FLRT2: variants seen among roughly 807,000 people sequenced by gnomAD.
FLRT2 encodes leucine-rich repeat transmembrane protein FLRT2.
Under a neutral mutation model 40.0 loss-of-function variants are expected in FLRT2, and 15 were observed. The observed-to-expected ratio is 0.38, with a 90% CI of 0.25 to 0.58. The LOEUF is 0.58. Ranked by LOEUF, FLRT2 falls within the 20% of genes least tolerant of loss-of-function variation. FLRT2 has a pLI of 0.71. For synonymous variants in FLRT2, 380 were observed against 336.8 expected, an observed-to-expected ratio of 1.13 and a Z score of -1.41; for missense variants, 726 against 840.0, an observed-to-expected ratio of 0.86 and a Z score of 1.68.
At position 85,646,653 on chromosome 14, in the gene FLRT2, A is replaced by G. The variant is rs1440159824; in HGVS notation, c.*23156A>G. 2 of 151,892 alleles carry G rather than the reference A, an allele frequency of 1.3e-5. No individual in the cohort carries two copies. Among genetic ancestry groups the G allele is most frequent in the Non-Finnish European group, 2.9e-5 (2 of 68,034 alleles). 9.4% of individuals were successfully genotyped at this position (151,892 alleles called of 1,614,324 possible). A position where few individuals can be genotyped will look rare whatever the true frequency, so the allele number is the denominator to read the frequency against. On this transcript the variant is annotated 3_prime_UTR_variant, in exon 2 of 2. Transcript: ENST00000330753. ...ATTTTTTGAGATGGAGTCTTGCTCT[A>G]CCACCCAGGCTGGAGTGCAGTGGCA...
chr14:85,550,824 C>T (rs187525169), intron 1 of FLRT2, among the ~76,000 whole-genome samples: 17 of 152,202 alleles, frequency 1.1e-4, no homozygotes, highest in Admixed American at 3.3e-4. Context: ...GTCTAACACA[C>T]GTTGAAAATC....
intron 1 of FLRT2, among the ~76,000 whole-genome samples, chr14:85,605,686 C>G (rs1282339252): frequency 6.6e-6 from 1 of 152,136 alleles, no homozygotes; most frequent in Non-Finnish European, 1.5e-5. Context: ...AGGAGAATGG[C>G]ATGAACTGGA....
intron 1 of FLRT2, among the ~76,000 whole-genome samples, chr14:85,567,940 A>T (rs1480161042): frequency 6.6e-6 from 1 of 151,786 alleles, no homozygotes; most frequent in Non-Finnish European, 1.5e-5. Flanking sequence ...GCAAGGCCTG[A>T]TTTTTATTTT....
At chr14:85,554,271 C>T (rs1380938279) in intron 1 of FLRT2, among the ~76,000 whole-genome samples, 1 of 152,134 alleles carries the variant, frequency 6.6e-6, no homozygotes, top group African/African-American at 2.4e-5. Context: ...AGGTATTTAA[C>T]AAAGTCATGT....
intron 1 of FLRT2, among the ~76,000 whole-genome samples, chr14:85,540,745 A>G (rs1346901669): frequency 6.6e-6 from 1 of 152,012 alleles, no homozygotes; most frequent in African/African-American, 2.4e-5. Context: ...GTTGATTAGT[A>G]CTTTAGCAGT....
intron 1 of FLRT2, among the ~76,000 whole-genome samples, chr14:85,611,360 T>A (rs778566001): frequency 6.6e-6 from 1 of 152,230 alleles, no homozygotes; most frequent in Non-Finnish European, 1.5e-5. Context: ...TGGTTTGGAA[T>A]GTTTACCAAA....
Position 85,637,681 on chromosome 14 carries a change from G to A in FLRT2, c.*14184G>A, listed in dbSNP as rs1894042371. On this transcript the variant is annotated 3_prime_UTR_variant, in exon 2 of 2. Coordinates refer to ENST00000330753, the MANE Select transcript of FLRT2 (RefSeq NM_013231.6). Reference sequence around the variant, plus strand: ...ATGTGATCAGGAGTGATGTAGCTTTGAGGGTGGACCCACCATTCCTGCCAT... The same window carrying A: ...ATGTGATCAGGAGTGATGTAGCTTTAAGGGTGGACCCACCATTCCTGCCAT... 1.3e-5 allele frequency: 2 copies of A among 152,200 alleles called. No individual in the cohort carries two copies. Among genetic ancestry groups the A allele is most frequent in the Admixed American group, 6.5e-5 (1 of 15,282 alleles). The allele number at this position is 152,200 out of a possible 1,614,324, so 9.4% of individuals were successfully genotyped here. A position where few individuals can be genotyped will look rare whatever the true frequency, so the allele number is the denominator to read the frequency against.
chr14:85,559,404 A>G (rs1465994067), intron 1 of FLRT2: 1 of 152,238 alleles, frequency 6.6e-6, no homozygotes, highest in East Asian at 1.9e-4. Flanking sequence ...AGAAGAAGGA[A>G]TACTGGATGC....
At chr14:85,543,615 G>A (rs116607238) in intron 1 of FLRT2, among the ~76,000 whole-genome samples, 21 of 151,808 alleles carry the variant, frequency 1.4e-4, no homozygotes, top group African/African-American at 5.1e-4. Context: ...ATCATGCCAC[G>A]CAAGATCCGT....
chr14:85,554,838 T>A (rs576741798), intron 1 of FLRT2, among the ~76,000 whole-genome samples: 19 of 152,314 alleles, frequency 1.2e-4, no homozygotes, highest in Non-Finnish European at 2.2e-4. Flanking sequence ...AGGATGCCCA[T>A]TAAGAGTTGA....
At position 85,651,034 on chromosome 14, in the gene FLRT2, A is replaced by G. The variant is rs956333057; in HGVS notation, c.*27537A>G. On this transcript the variant is annotated 3_prime_UTR_variant, in exon 2 of 2. Coordinates refer to ENST00000330753, the MANE Select transcript of FLRT2 (RefSeq NM_013231.6). ...GTTTTGTTTTTCTTAATATAAGGCT[A>G]TACATTTCCCTCTAAGAACTAATTT... 6.6e-5 allele frequency: 10 copies of G among 152,052 alleles called. No homozygotes were observed. The highest frequency in any genetic ancestry group is 2.2e-4 in the African/African-American group (9 of 41,486). 9.4% of individuals were successfully genotyped at this position (152,052 alleles called of 1,614,324 possible).
At position 85,642,685 on chromosome 14, in the gene FLRT2, T is replaced by C. The variant is rs1566774176; in HGVS notation, c.*19188T>C. On this transcript the variant is annotated 3_prime_UTR_variant, in exon 2 of 2. Coordinates refer to ENST00000330753, the MANE Select transcript of FLRT2 (RefSeq NM_013231.6). ...CCAGATTGGGCCATATTAGCCAATATGGGTACATATACTAGAGCCTGCATG... is the reference window on the plus strand; with the variant it reads ...CCAGATTGGGCCATATTAGCCAATACGGGTACATATACTAGAGCCTGCATG... The C allele has an allele frequency of 6.6e-6, 1 of 152,082 alleles. No homozygotes were observed. Among genetic ancestry groups the C allele is most frequent in the East Asian group, 1.9e-4 (1 of 5,174 alleles). The allele number at this position is 152,082 out of a possible 1,614,324, so 9.4% of individuals were successfully genotyped here.
At chr14:85,615,008 C>T (rs984007811) in intron 1 of FLRT2, among the ~76,000 whole-genome samples, 6 of 152,314 alleles carry the variant, frequency 3.9e-5, no homozygotes, top group Admixed American at 3.9e-4. Context: ...AAATTCTGCT[C>T]TACCAGCTTC....
intron 1 of FLRT2, among the ~76,000 whole-genome samples, chr14:85,553,562 G>A (rs1889773563): frequency 1.3e-5 from 2 of 152,112 alleles, no homozygotes; most frequent in African/African-American, 4.8e-5. Context: ...TTGATCTAAG[G>A]GTTATTTCTT....
At chr14:85,536,855 A>G (rs1001404727) in intron 1 of FLRT2, among the ~76,000 whole-genome samples, 5 of 152,206 alleles carry the variant, frequency 3.3e-5, no homozygotes, top group African/African-American at 9.7e-5. Context: ...TAGCATTGAC[A>G]GTGTGATCAA....
chr14:85,576,848 G>A (rs1356372965), intron 1 of FLRT2, among the ~76,000 whole-genome samples: 4 of 152,194 alleles, frequency 2.6e-5, no homozygotes, highest in Non-Finnish European at 4.4e-5. Context: ...TCAGCCATCA[G>A]AGGGGAGCAG....
intron 1 of FLRT2, among the ~76,000 whole-genome samples, chr14:85,567,059 A>G (rs1444290249): frequency 6.6e-6 from 1 of 152,206 alleles, no homozygotes; most frequent in East Asian, 1.9e-4. Flanking sequence ...ACATATTTAA[A>G]TGAAAAATGT....
At position 85,633,632 on chromosome 14, in the gene FLRT2, C is replaced by CT. The variant is rs1324122069; in HGVS notation, c.*10136dup. The CT allele has an allele frequency of 9.2e-6, 1 of 109,072 alleles. No homozygotes were observed. The highest frequency in any genetic ancestry group is 2.3e-5 in the Non-Finnish European group (1 of 43,252). 6.8% of individuals were successfully genotyped at this position (109,072 alleles called of 1,614,324 possible). A position where few individuals can be genotyped will look rare whatever the true frequency, so the allele number is the denominator to read the frequency against. On this transcript the variant is annotated 3_prime_UTR_variant, in exon 2 of 2. Coordinates refer to ENST00000330753, the MANE Select transcript of FLRT2 (RefSeq NM_013231.6). ...TGGGCAATGCAGTGAGACCCTATCT[C>CT]TAAAAAAAAAAAAAAAAATTAGCCA... is the stretch of plus-strand genomic sequence containing the variant.
chr14:85,532,383 G>C (rs1888340747), intron 1 of FLRT2, among the ~76,000 whole-genome samples: 1 of 152,236 alleles, frequency 6.6e-6, no homozygotes, highest in African/African-American at 2.4e-5. Context: ...CACGAAATAA[G>C]ATGAGAAAAC....
Sources: gnomAD v4.1 joint callset for allele counts (sites outside exome capture counted in the v4.1 genomes callset) on GRCh38, gnomAD v4.1.1 for gene constraint, MANE v1.5 for transcripts, NCBI Gene and HGNC (gene_info 2026-07-23, HGNC 2026-07-21) for gene names.